ORC3: variants seen among roughly 807,000 people sequenced by gnomAD.
ORC3 encodes the protein homolog of latheo, Drosophila.
Under a neutral mutation model 100.7 loss-of-function variants are expected in ORC3, and 78 were observed. That is an observed-to-expected ratio of 0.77 (90% confidence interval 0.65 to 0.94). ORC3 has a LOEUF of 0.94. ORC3 is among the 40% of genes least tolerant of loss of function. ORC3 has a pLI of 0.00. For synonymous variants in ORC3, 295 were observed against 289.3 expected (o/e 1.02, Z -0.20); for missense variants, 789 against 823.9 (o/e 0.96, Z 0.52).
chr6:87,660,865 A>G (rs903973925), intron 16 of ORC3, among the ~76,000 whole-genome samples: 1 of 152,216 alleles, frequency 6.6e-6, no homozygotes, highest in East Asian at 1.9e-4. Context: ...TTCTATGTCA[A>G]TCTCCAAGTC....
intron 2 of ORC3, 92 bp from the exon 3 acceptor site, chr6:87,601,692 T>G (rs1777912394): frequency 5.5e-6 from 4 of 733,480 alleles, no homozygotes; most frequent in Non-Finnish European, 4.6e-6. Context: ...AAAATTTCAC[T>G]TCTGTCACTT....
chr6:87,633,203 C>T (rs1160662236), intron 11 of ORC3, among the ~76,000 whole-genome samples: 2 of 152,196 alleles, frequency 1.3e-5, no homozygotes, highest in Non-Finnish European at 2.9e-5. Flanking sequence ...TAATAGAGTT[C>T]ATTTTCTTCA....
chr6:87,630,284 C>G (rs1047683340), intron 11 of ORC3, among the ~76,000 whole-genome samples: 2 of 151,998 alleles, frequency 1.3e-5, no homozygotes, highest in African/African-American at 4.8e-5. Context: ...ATATATAGTC[C>G]CAGCTACTTG....
chr6:87,609,318 TA>T (rs1449390014), intron 7 of ORC3, 89 bp downstream of exon 7: 1 of 825,984 alleles, frequency 1.2e-6, no homozygotes, highest in Admixed American at 2.9e-5. Context: ...TTCATTTTAA[TA>T]CCAACTGGAT....
At chr6:87,662,396 C>T (rs899051097) in intron 16 of ORC3, among the ~76,000 whole-genome samples, 1 of 152,108 alleles carries the variant, frequency 6.6e-6, no homozygotes, top group South Asian at 2.1e-4. Flanking sequence ...TGCACCACTG[C>T]ACTCCAGTCT....
In ORC3 at chr6:87,590,136, A is replaced by G; in HGVS notation, c.-33A>G. ...CCGCGAGGGCGCGCGGGAAATCCCG[A>G]GTGCATCTGGAATACGCAGAGTCAG... On this transcript the variant is annotated 5_prime_UTR_variant, in exon 1 of 20. Coordinates refer to ENST00000392844, the MANE Select transcript of ORC3 (RefSeq NM_012381.4). 1.9e-6 allele frequency: 3 copies of G among 1,613,802 alleles called. No individual in the cohort carries two copies. The highest frequency in any genetic ancestry group is 1.1e-5 in the South Asian group (1 of 91,086).
intron 4 of ORC3, among the ~76,000 whole-genome samples, 198 bp downstream of exon 4, chr6:87,603,726 T>TA (rs1404383200): frequency 6.6e-6 from 1 of 152,180 alleles, no homozygotes; most frequent in Non-Finnish European, 1.5e-5. Context: ...CAGACGATCA[T>TA]ATGTTTGTAA....
the ORC3 span, among the ~76,000 whole-genome samples, chr6:87,673,069 C>A: frequency 6.6e-6 from 1 of 151,424 alleles, no homozygotes; most frequent in African/African-American, 2.4e-5. Context: ...AACTACCGGA[C>A]CCATCTAAAG....
At chr6:87,590,776 TC>T (rs1262186349) in intron 1 of ORC3, among the ~76,000 whole-genome samples, 1 of 152,126 alleles carries the variant, frequency 6.6e-6, no homozygotes, top group Non-Finnish European at 1.5e-5. Flanking sequence ...GCATGTTTCT[TC>T]GGCCCAGAAG....
chr6:87,639,529 T>TATTAATTTAGTCCCACCCCAC (rs1768070283), intron 13 of ORC3, among the ~76,000 whole-genome samples: 2 of 152,190 alleles, frequency 1.3e-5, no homozygotes, highest in Non-Finnish European at 2.9e-5. Context: ...GCCTGCAGCC[T>TATTAATTTAGTCCCACCCCAC]TCTGCAGCCT....
chr6:87,649,247 TAACA>T (rs1016641942), intron 13 of ORC3, among the ~76,000 whole-genome samples: 1 of 152,210 alleles, frequency 6.6e-6, no homozygotes, highest in Non-Finnish European at 1.5e-5. Context: ...CCCTGTGACA[TAACA>T]AACACCCATG....
chr6:87,629,295 AAAG>A (rs1780139073), intron 11 of ORC3, among the ~76,000 whole-genome samples: 1 of 152,242 alleles, frequency 6.6e-6, no homozygotes, highest in Non-Finnish European at 1.5e-5. Flanking sequence ...AATTGATTGA[AAAG>A]AAATTACAGA....
intron 13 of ORC3, among the ~76,000 whole-genome samples, chr6:87,646,185 A>G (rs1768772903): frequency 1.3e-5 from 2 of 151,510 alleles, no homozygotes; most frequent in Admixed American, 1.3e-4. Flanking sequence ...ATGGGGTTTC[A>G]CTGTGTTAGC....
At chr6:87,620,668 C>G (rs1355725355) in intron 9 of ORC3, among the ~76,000 whole-genome samples, 1 of 152,114 alleles carries the variant, frequency 6.6e-6, no homozygotes, top group African/African-American at 2.4e-5. Context: ...CATAGTCTTG[C>G]AAGTTATACC....
chr6:87,602,930 G>T (rs140115619), intron 3 of ORC3, among the ~76,000 whole-genome samples: 1,620 of 116,756 alleles, frequency 0.014, 40 homozygotes, highest in Non-Finnish European at 0.02. Context: ...ATATATACAC[G>T]TTTATATATA....
At chr6:87,645,384 C>G (rs541801805) in intron 13 of ORC3, among the ~76,000 whole-genome samples, 9 of 152,282 alleles carry the variant, frequency 5.9e-5, no homozygotes, top group African/African-American at 1.2e-4. Context: ...GATACACATA[C>G]TTTTGGTTTC....
intron 16 of ORC3, among the ~76,000 whole-genome samples, chr6:87,658,475 T>C (rs939820359): frequency 6.6e-6 from 1 of 151,728 alleles, no homozygotes; most frequent in Admixed American, 6.6e-5. Context: ...AAAAAAGAAT[T>C]GTAATTTTTA....
intron 1 of ORC3, among the ~76,000 whole-genome samples, chr6:87,591,552 C>G (rs1344223400): frequency 6.6e-6 from 1 of 151,992 alleles, no homozygotes; most frequent in African/African-American, 2.4e-5. Context: ...ATGGTCTATC[C>G]CTTAATCCTG....
chr6:87,676,940 G>A, the ORC3 span, among the ~76,000 whole-genome samples: 1 of 151,996 alleles, frequency 6.6e-6, no homozygotes, highest in Non-Finnish European at 1.5e-5. Flanking sequence ...AGCCGGGCAT[G>A]GTGGTAGGTG....
Sources: allele counts gnomAD v4.1 joint callset (sites outside exome capture counted in the v4.1 genomes callset), GRCh38; gene constraint gnomAD v4.1.1; transcripts MANE v1.5; gene names NCBI Gene and HGNC (gene_info 2026-07-23, HGNC 2026-07-21).